The following PMS1 variants were observed in gnomAD, a reference collection of about 807,000 sequenced individuals.
PMS1 encodes PMS1 homolog 1, mismatch repair system component.
Under a neutral mutation model 93.1 loss-of-function variants are expected in PMS1, and 79 were observed. That is an observed-to-expected ratio of 0.85 (90% CI 0.71 to 1.02). The LOEUF (loss-of-function observed/expected upper bound fraction) is 1.02, where lower values mean the gene tolerates loss of function less well. Among genes scored for constraint, PMS1 ranks in the 50% least tolerant of loss-of-function variants. The pLI is 0.00. For synonymous variants in PMS1, 335 were observed against 363.4 expected, an observed-to-expected ratio of 0.92 and a Z score of 0.89; for missense variants, 1,064 against 1,085.3, an observed-to-expected ratio of 0.98 and a Z score of 0.28.
chr2:189,823,263 TA>T (rs2052110043), intron 5 of PMS1, among the ~76,000 whole-genome samples: 1 of 152,124 alleles, frequency 6.6e-6, no homozygotes, highest in African/African-American at 2.4e-5. Flanking sequence ...ATTTTATTTT[TA>T]TTTTTTTAAT....
At chr2:189,861,454 A>G (rs2055986587) in intron 9 of PMS1, among the ~76,000 whole-genome samples, 1 of 151,744 alleles carries the variant, frequency 6.6e-6, no homozygotes, top group South Asian at 2.1e-4. Flanking sequence ...TGCCACTGAA[A>G]AGATTTCACT....
At chr2:189,825,488 T>A (rs1292935446) in intron 5 of PMS1, among the ~76,000 whole-genome samples, 1 of 152,216 alleles carries the variant, frequency 6.6e-6, no homozygotes, top group Non-Finnish European at 1.5e-5. Flanking sequence ...TTAGTATTCT[T>A]AGCTATTTCA....
At position 189,821,456 on chromosome 2, in the gene PMS1, C is replaced by CAAA. The variant is rs779436688; in HGVS notation, c.582+3289_582+3291dup. 3.1e-3 allele frequency among the ~76,000 whole-genome samples: 287 copies of CAAA among 91,952 alleles called. 1 individual carries two copies. Among genetic ancestry groups the CAAA allele is most frequent in the Admixed American group, 0.011 (91 of 8,602 alleles). 60.3% of individuals were successfully genotyped at this position (91,952 alleles called of 152,430 possible). On this transcript the variant is annotated intron_variant, in intron 5 of 12. Coordinates refer to ENST00000441310, the MANE Select transcript of PMS1 (RefSeq NM_000534.5). Reference sequence around the variant, plus strand: ...TGGGCTACAGAGGGAGACTCCGTCTCAAAAAAAAAAAAAAAGAAAGAAAAG... The same window carrying CAAA: ...TGGGCTACAGAGGGAGACTCCGTCTCAAAAAAAAAAAAAAAAAAGAAAGAAAAG...
chr2:189,860,211 T>C (rs1201226147), intron 9 of PMS1, among the ~76,000 whole-genome samples: 1 of 152,216 alleles, frequency 6.6e-6, no homozygotes, highest in Non-Finnish European at 1.5e-5. Context: ...CATCCCAGAA[T>C]GGTTCCTCAT....
At chr2:189,802,209 C>T (rs1462177511) in intron 3 of PMS1, among the ~76,000 whole-genome samples, 1 of 152,224 alleles carries the variant, frequency 6.6e-6, no homozygotes, top group Non-Finnish European at 1.5e-5. Context: ...GACCCCACCA[C>T]TTCGCTATGC....
intron 9 of PMS1, among the ~76,000 whole-genome samples, chr2:189,860,966 T>C (rs256569): frequency 0.078 from 11,808 of 151,660 alleles, 783 homozygotes; most frequent in African/African-American, 0.18. Flanking sequence ...TCCTCGTCTT[T>C]ACATTTAAAG....
chr2:189,820,741 C>G (rs2051779061), intron 5 of PMS1, among the ~76,000 whole-genome samples: 1 of 152,114 alleles, frequency 6.6e-6, no homozygotes, highest in Non-Finnish European at 1.5e-5. Context: ...AAGCTCAGAG[C>G]AACTAATGGA....
chr2:189,833,453 G>A (rs190862089), intron 5 of PMS1, among the ~76,000 whole-genome samples: 4 of 152,156 alleles, frequency 2.6e-5, no homozygotes, highest in African/African-American at 9.6e-5. Context: ...ATGGTGGCAC[G>A]CGCCTGTAGT....
chr2:189,787,802 A>G (rs567404944), intron 1 of PMS1, among the ~76,000 whole-genome samples: 22 of 152,342 alleles, frequency 1.4e-4, no homozygotes, highest in Admixed American at 2.6e-4. Flanking sequence ...TCAATCAGCT[A>G]ATCTATAAAA....
chr2:189,841,222 A>G (rs1489872735), intron 5 of PMS1, among the ~76,000 whole-genome samples: 1 of 152,206 alleles, frequency 6.6e-6, no homozygotes, highest in Admixed American at 6.5e-5. Flanking sequence ...ATGAGATAAT[A>G]ATACCTACCT....
At chr2:189,862,113 C>T (rs1281893908) in intron 9 of PMS1, among the ~76,000 whole-genome samples, 2 of 152,212 alleles carry the variant, frequency 1.3e-5, no homozygotes, top group African/African-American at 2.4e-5. Flanking sequence ...ACTCCAATGA[C>T]ATATATATTA....
intron 5 of PMS1, among the ~76,000 whole-genome samples, chr2:189,842,777 A>G (rs1243326392): frequency 6.6e-6 from 1 of 152,100 alleles, no homozygotes; most frequent in South Asian, 2.1e-4. Context: ...TTAGCTATAC[A>G]TCATTGAGCT....
chr2:189,846,845 A>T (rs1278135443), intron 6 of PMS1, among the ~76,000 whole-genome samples: 2 of 148,168 alleles, frequency 1.3e-5, no homozygotes, highest in African/African-American at 4.9e-5. Context: ...GAAACAATAC[A>T]TTCCACTTCT....
intron 5 of PMS1, among the ~76,000 whole-genome samples, chr2:189,840,377 A>T (rs2053724765): frequency 6.6e-6 from 1 of 152,244 alleles, no homozygotes; most frequent in African/African-American, 2.4e-5. Flanking sequence ...TGATTGGCCG[A>T]AACTTTGTGA....
At chr2:189,827,047 T>G (rs745820089) in intron 5 of PMS1, among the ~76,000 whole-genome samples, 2 of 152,196 alleles carry the variant, frequency 1.3e-5, no homozygotes, top group African/African-American at 2.4e-5. Flanking sequence ...GGAAGCTAAG[T>G]CACTGATACA....
At position 189,855,099 on chromosome 2, in the gene PMS1, G is replaced by A. The variant is rs2106465043; in HGVS notation, c.1827G>A (p.Trp609Ter). ...EDATLQIEEL[W>*]KTLSEEEKLK... ...CAACACTACAAATTGAAGAACTGTG[G>A]AAGACATTGAGTGAAGAGGAAAAAC... is the stretch of plus-strand genomic sequence containing the variant. The change falls in exon 9 of 13, where the codon TGG becomes TGA. Residue 609 changes from tryptophan to a stop codon, truncating the protein, a stop_gained. Coordinates refer to ENST00000441310, the MANE Select transcript of PMS1 (RefSeq NM_000534.5). LOFTEE classifies it high-confidence loss of function. 6.2e-7 allele frequency: 1 copy of A among 1,613,424 alleles called. No individual in the cohort carries two copies. The highest frequency in any genetic ancestry group is 8.5e-7 in the Non-Finnish European group (1 of 1,179,574).
Position 189,875,823 on chromosome 2 carries a change from C to T in PMS1, c.2635-1449C>T, listed in dbSNP as rs1218236897. 4.0e-5 allele frequency among the ~76,000 whole-genome samples: 6 copies of T among 151,524 alleles called. No homozygotes were observed. The South Asian group carries it at 8.3e-4, about 21-fold the overall frequency. On this transcript the variant is annotated intron_variant, in intron 12 of 12. Transcript: ENST00000441310. ...CAAAATTTAGCCAGGTGTGGTGGTG[C>T]GCACCTGTAATCCCAGCTACTCAGG...
intron 9 of PMS1, among the ~76,000 whole-genome samples, chr2:189,863,427 T>G (rs771806281): frequency 3.7e-4 from 57 of 152,242 alleles, no homozygotes; most frequent in Non-Finnish European, 6.8e-4. Flanking sequence ...CTAACTTTTG[T>G]GTTTTTAGTA....
intron 11 of PMS1, among the ~76,000 whole-genome samples, 165 bp from the exon 12 acceptor site, chr2:189,873,331 C>G (rs1321287973): frequency 6.6e-6 from 1 of 152,178 alleles, no homozygotes; most frequent in Non-Finnish European, 1.5e-5. Context: ...ATGTGAGACC[C>G]TATGGGAAAT....
Sources: allele counts gnomAD v4.1 joint callset (sites outside exome capture counted in the v4.1 genomes callset), GRCh38; gene constraint gnomAD v4.1.1; transcripts MANE v1.5; gene names NCBI Gene and HGNC (gene_info 2026-07-23, HGNC 2026-07-21).